Variants in FAM114A1 observed in about 807,000 individuals in gnomAD.
FAM114A1 encodes protein NOXP20.
Under a neutral mutation model 64.3 loss-of-function variants are expected in FAM114A1, and 62 were observed. That is an observed-to-expected ratio of 0.96 (90% CI 0.79 to 1.19). FAM114A1 has a LOEUF of 1.19. Ranked by LOEUF, FAM114A1 falls within the 50% of genes most tolerant of loss-of-function variation. The probability of loss-of-function intolerance (pLI) is 0.00; values close to 1 mark genes in which losing one functional copy is unlikely to be tolerated. For missense variants in FAM114A1, 645 were observed against 676.3 expected (o/e 0.95, Z 0.51); for synonymous variants, 254 against 251.1 (o/e 1.01, Z -0.11).
rs1720645114 is a variant in FAM114A1 at position 38,931,581 on chromosome 4, A to G, written c.1292A>G (p.Lys431Arg). 2 of 1,613,402 alleles carry G rather than the reference A, an allele frequency of 1.2e-6. No homozygotes were observed. Among genetic ancestry groups the G allele is most frequent in the South Asian group, 2.2e-5 (2 of 90,976 alleles). The change falls in exon 11 of 15, where the codon AAA (lysine) becomes AGA (arginine). Residue 431 changes from lysine (K) to arginine (R), a missense_variant. By Grantham distance (26) the Lys-to-Arg change is conservative (BLOSUM62 2). Transcript: ENST00000358869. ...AAATCTCAAGACCCTCAAGAAGACA[A>G]AAAGGAGGAAAAGAAAACTAAGACC... is the stretch of plus-strand genomic sequence containing the variant. ...EEKSQDPQED[K>R]KEEKKTKTIE...
chr4:38,933,864 G>A (rs1413563208), intron 12 of FAM114A1, among the ~76,000 whole-genome samples: 2 of 152,278 alleles, frequency 1.3e-5, no homozygotes, highest in East Asian at 3.9e-4. Context: ...GCTTATTACT[G>A]CTTTGACATT....
In FAM114A1 at chr4:38,914,995, C is replaced by T. The variant is rs149833714; in HGVS notation, c.867C>T (p.Tyr289=). The T allele has an allele frequency of 3.3e-5, 54 of 1,614,128 alleles. No individual in the cohort carries two copies. Among genetic ancestry groups the T allele is most frequent in the East Asian group, 6.7e-5 (3 of 44,884 alleles). The change falls in exon 8 of 15, where the codon TAC becomes TAT. Residue 289 remains tyrosine (Y), a synonymous_variant. Coordinates refer to ENST00000358869, the MANE Select transcript of FAM114A1 (RefSeq NM_138389.4). ...QQLTMERTAH[Y]GMLFDEYQGL... is the part of the protein sequence containing the mutation. ...TCACGATGGAGAGAACCGCGCACTA[C>T]GGGATGCTGTTTGATGAATATCAAG...
rs755570251 is a variant in FAM114A1, at chr4:38,943,554, G to C, written c.1689G>C (p.Pro563=). 6.2e-7 allele frequency: 1 copy of C among 1,613,482 alleles called. No homozygotes were observed. The highest frequency in any genetic ancestry group is 8.5e-7 in the Non-Finnish European group (1 of 1,179,724). ...AGACCAGTTGTTTGAAAGCACAGCC[G>C]TGACCTGGCCAGACTCCATCTAGTT... ...HIQTSCLKAQ[P] is the part of the protein sequence containing the mutation. The change falls in exon 15 of 15, where the codon CCG becomes CCC. Residue 563 remains proline (P), a synonymous_variant. Coordinates refer to ENST00000358869, the MANE Select transcript of FAM114A1 (RefSeq NM_138389.4).
intron 4 of FAM114A1, among the ~76,000 whole-genome samples, chr4:38,896,981 G>A (rs1717001267): frequency 6.6e-6 from 1 of 152,198 alleles, no homozygotes. Context: ...GCTGTCAATT[G>A]AGCACTAGAA....
At chr4:38,890,958 A>G (rs932579299) in intron 3 of FAM114A1, among the ~76,000 whole-genome samples, 1 of 152,200 alleles carries the variant, frequency 6.6e-6, no homozygotes, top group African/African-American at 2.4e-5. Context: ...AGCAGCTCTA[A>G]GCCAGTCTCC....
intron 3 of FAM114A1, 68 bp from the exon 4 acceptor site, chr4:38,891,675 C>T: frequency 7.4e-7 from 1 of 1,360,024 alleles, no homozygotes; most frequent in Non-Finnish European, 1.0e-6. Context: ...TTGTTTCAAA[C>T]CAATAGGTGT....
intron 4 of FAM114A1, among the ~76,000 whole-genome samples, chr4:38,904,810 C>A (rs1464490936): frequency 6.6e-6 from 1 of 152,190 alleles, no homozygotes; most frequent in Non-Finnish European, 1.5e-5. Context: ...CCATAAGGAG[C>A]TTACAAAAGA....
In FAM114A1 at chr4:38,904,673, A is replaced by G. The variant is rs57893976; in HGVS notation, c.437-849A>G. Among the ~76,000 whole-genome samples the G allele has an allele frequency of 3.9e-3, 593 of 152,332 alleles. 3 individuals carry two copies. Among genetic ancestry groups the G allele is most frequent in the South Asian group, 0.024 (117 of 4,826 alleles). ...TCCAGGACCTTCACTCTCCATGCCT[A>G]AAGGAAGGCCTAATGCTTTAAAGAA... On this transcript the variant is annotated intron_variant, in intron 4 of 14. Coordinates refer to ENST00000358869, the MANE Select transcript of FAM114A1 (RefSeq NM_138389.4).
At chr4:38,927,156 C>T (rs1346941622) in intron 9 of FAM114A1, among the ~76,000 whole-genome samples, 1 of 152,326 alleles carries the variant, frequency 6.6e-6, no homozygotes, top group East Asian at 1.9e-4. Flanking sequence ...TTGTAGCTGG[C>T]TCATTGCTCT....
Position 38,941,102 on chromosome 4 carries a change from C to T in FAM114A1, c.1590+81C>T. The T allele has an allele frequency of 3.9e-6, 5 of 1,274,106 alleles. No homozygotes were observed. The South Asian group carries it at 5.3e-5, about 13-fold the overall frequency. 78.9% of individuals were successfully genotyped at this position (1,274,106 alleles called of 1,614,324 possible). On this transcript the variant is annotated intron_variant, in intron 14 of 14. Transcript: ENST00000358869. ...TTTTTTTTTTTTTTGCCTTTCTTCC[C>T]CCACAGCAAATGTTATTGCAATTCT...
intron 3 of FAM114A1, among the ~76,000 whole-genome samples, chr4:38,878,809 T>C (rs773463892): frequency 6.6e-6 from 1 of 152,128 alleles, no homozygotes; most frequent in Admixed American, 6.5e-5. Flanking sequence ...TGGTTGTAAA[T>C]GGAAAACATT....
Position 38,891,901 on chromosome 4 carries a change from C to G in FAM114A1, c.436+71C>G, listed in dbSNP as rs1474316217. The G allele has an allele frequency of 2.9e-6, 4 of 1,392,354 alleles. No individual in the cohort carries two copies. The African/African-American group carries it at 5.8e-5, about 20-fold the overall frequency. 86.2% of individuals were successfully genotyped at this position (1,392,354 alleles called of 1,614,324 possible). ...AATAGGATAGGACGTTTTGATCGTACTGTATACTAATAGAGTTTAACATTA... is the reference window on the plus strand; with the variant it reads ...AATAGGATAGGACGTTTTGATCGTAGTGTATACTAATAGAGTTTAACATTA... On this transcript the variant is annotated intron_variant, in intron 4 of 14. Transcript: ENST00000358869.
chr4:38,877,765 G>C (rs1714792675), intron 2 of FAM114A1, among the ~76,000 whole-genome samples: 1 of 152,154 alleles, frequency 6.6e-6, no homozygotes, highest in Non-Finnish European at 1.5e-5. Flanking sequence ...GGGAGTTCGA[G>C]ACCAGCCTGA....
rs371684720 is a variant in FAM114A1 at position 38,923,492 on chromosome 4, A to AT, written c.1069+601dup. 4.8e-3 allele frequency among the ~76,000 whole-genome samples: 725 copies of AT among 152,198 alleles called. 7 individuals carry two copies. The highest frequency in any genetic ancestry group is 0.017 in the African/African-American group (707 of 41,514). ...TGCCTCGGCCTCCCAAAGTGCTGGGATTACAGGCATGAGCCGCCTTGCCTG... is the reference window on the plus strand; with the variant it reads ...TGCCTCGGCCTCCCAAAGTGCTGGGATTTACAGGCATGAGCCGCCTTGCCTG... On this transcript the variant is annotated intron_variant, in intron 9 of 14. Coordinates refer to ENST00000358869, the MANE Select transcript of FAM114A1 (RefSeq NM_138389.4).
chr4:38,929,158 C>A (rs1369152264), intron 9 of FAM114A1, 84 bp from the exon 10 acceptor site: 1 of 1,060,524 alleles, frequency 9.4e-7, no homozygotes. Context: ...TCTACCCCAG[C>A]TGCAGGCTGT....
At chr4:38,922,728 G>A in intron 8 of FAM114A1, 42 bp from the exon 9 acceptor site, 1 of 1,585,442 alleles carries the variant, frequency 6.3e-7, no homozygotes, top group Non-Finnish European at 8.5e-7. Flanking sequence ...TTATTAACGA[G>A]AAGAAAAGAT....
intron 8 of FAM114A1, among the ~76,000 whole-genome samples, chr4:38,920,892 G>A (rs369651004): frequency 3.9e-5 from 6 of 152,172 alleles, no homozygotes; most frequent in African/African-American, 9.7e-5. Context: ...TGAACTCCAC[G>A]CTAATGGGTT....
At chr4:38,920,891 C>T (rs532836736) in intron 8 of FAM114A1, among the ~76,000 whole-genome samples, 6 of 152,314 alleles carry the variant, frequency 3.9e-5, no homozygotes, top group African/African-American at 1.4e-4. Flanking sequence ...CTGAACTCCA[C>T]GCTAATGGGT....
At chr4:38,894,029 G>A (rs1284300768) in intron 4 of FAM114A1, among the ~76,000 whole-genome samples, 3 of 152,014 alleles carry the variant, frequency 2.0e-5, no homozygotes, top group Non-Finnish European at 4.4e-5. Flanking sequence ...TGGACGTGGT[G>A]GTGGGTGCCT....
Sources: allele counts gnomAD v4.1 joint callset (sites outside exome capture counted in the v4.1 genomes callset), GRCh38; gene constraint gnomAD v4.1.1; transcripts MANE v1.5; gene names NCBI Gene and HGNC (gene_info 2026-07-23, HGNC 2026-07-21).